ATP8A1: variants seen among roughly 807,000 people sequenced by gnomAD.
ATP8A1 encodes the protein ATPase phospholipid transporting 8A1.
ATP8A1 carries 90 observed loss-of-function variants against 177.7 expected under a neutral mutation model. The ratio of observed to expected loss-of-function variants is 0.51; its 90% CI spans 0.43 to 0.60. The LOEUF (loss-of-function observed/expected upper bound fraction) is 0.60, where lower values mean the gene tolerates loss of function less well. Ranked by LOEUF, ATP8A1 falls within the 20% of genes least tolerant of loss-of-function variation. ATP8A1 has a pLI of 0.00. For synonymous variants in ATP8A1, 493 were observed against 485.9 expected, an observed-to-expected ratio of 1.01 and a Z score of -0.19; for missense variants, 1,072 against 1,392.8, an observed-to-expected ratio of 0.77 and a Z score of 3.67.
At chr4:42,635,297 T>G (rs1293938460) in intron 1 of ATP8A1, among the ~76,000 whole-genome samples, 3 of 152,272 alleles carry the variant, frequency 2.0e-5, no homozygotes, top group African/African-American at 7.2e-5. Context: ...CTAAGTTTTT[T>G]GCAGACTCAA....
intron 4 of ATP8A1, among the ~76,000 whole-genome samples, chr4:42,620,260 T>C (rs183477350): frequency 3.9e-4 from 60 of 152,310 alleles, no homozygotes; most frequent in Non-Finnish European, 7.8e-4. Context: ...CACTTTACAG[T>C]TTGGCATAAA....
At position 42,464,723 on chromosome 4, in the gene ATP8A1, G is replaced by A; in HGVS notation, c.2586C>T (p.Cys862=). 6.2e-7 allele frequency: 1 copy of A among 1,610,864 alleles called. No homozygotes were observed. Among genetic ancestry groups the A allele is most frequent in the East Asian group, 2.2e-5 (1 of 44,842 alleles). Residue 862 remains cysteine (C), a synonymous_variant, in exon 27 of 37, where the codon TGC becomes TGT. Transcript: ENST00000381668. ...TATAGAGCACTATATTCTTGTAGAA[G>A]CAGTATAAGATGCACTTGGAGACTC... is the stretch of plus-strand genomic sequence containing the variant. ...YNRVSKCILY[C]FYKNIVLYII...
chr4:42,571,484 A>T (rs1240626731), intron 14 of ATP8A1, among the ~76,000 whole-genome samples: 1 of 147,710 alleles, frequency 6.8e-6, no homozygotes, highest in East Asian at 1.9e-4. Context: ...TTTTTTTTAC[A>T]AAGATGGCAC....
At chr4:42,462,834 G>A (rs972416705) in intron 27 of ATP8A1, among the ~76,000 whole-genome samples, 5 of 152,202 alleles carry the variant, frequency 3.3e-5, no homozygotes, top group African/African-American at 9.6e-5. Flanking sequence ...CCAAGACCAT[G>A]GGACCCTACC....
At position 42,541,393 on chromosome 4, in the gene ATP8A1, A is replaced by C. The variant is rs371244506; in HGVS notation, c.1722+2524T>G. ...ACTTCAAACGTGGGTGAAGATGTGGAGCAACAAAAGCTCTCATTAATTGCT... is the reference window on the plus strand; with the variant it reads ...ACTTCAAACGTGGGTGAAGATGTGGCGCAACAAAAGCTCTCATTAATTGCT... On this transcript the variant is annotated intron_variant, in intron 20 of 36. Coordinates refer to ENST00000381668, the MANE Select transcript of ATP8A1 (RefSeq NM_006095.2). Among the ~76,000 whole-genome samples, 38 of 152,332 alleles carry C rather than the reference A, an allele frequency of 2.5e-4. 1 individual carries two copies. In the South Asian group the frequency reaches 7.5e-3, roughly 30 times the overall value.
chr4:42,491,493 A>AT (rs1413370120), intron 24 of ATP8A1, among the ~76,000 whole-genome samples: 2 of 152,218 alleles, frequency 1.3e-5, no homozygotes, highest in Non-Finnish European at 2.9e-5. Flanking sequence ...GAAACCCTTG[A>AT]TAAAAACCCT....
intron 25 of ATP8A1, among the ~76,000 whole-genome samples, chr4:42,472,569 G>T (rs1051544324): frequency 2.0e-5 from 3 of 151,868 alleles, no homozygotes; most frequent in African/African-American, 7.3e-5. Context: ...CAACATACCT[G>T]TCTCTACTAA....
At chr4:42,563,293 T>G (rs1001522187) in intron 15 of ATP8A1, among the ~76,000 whole-genome samples, 1 of 152,170 alleles carries the variant, frequency 6.6e-6, no homozygotes, top group African/African-American at 2.4e-5. Flanking sequence ...CCCTAGAGAT[T>G]TGTGGAACTT....
At chr4:42,588,535 A>G (rs1733852368) in intron 7 of ATP8A1, 13 of 469,448 alleles carry the variant, frequency 2.8e-5, no homozygotes, top group Middle Eastern at 4.5e-4. Flanking sequence ...TTCAGCCAGA[A>G]GGACCCAAAA....
At chr4:42,503,346 T>C (rs1379366805) in intron 24 of ATP8A1, 104 bp downstream of exon 24, 2 of 673,694 alleles carry the variant, frequency 3.0e-6, no homozygotes, top group Admixed American at 6.3e-5. Context: ...ATAAGGTACC[T>C]TGAACCACAG....
At chr4:42,587,510 G>A (rs1364879196) in intron 8 of ATP8A1, among the ~76,000 whole-genome samples, 1 of 151,624 alleles carries the variant, frequency 6.6e-6, no homozygotes, top group Non-Finnish European at 1.5e-5. Context: ...GTTTCACCAT[G>A]TTGGTCAGGC....
At chr4:42,546,437 G>A (rs1291128617) in intron 19 of ATP8A1, among the ~76,000 whole-genome samples, 1 of 128,102 alleles carries the variant, frequency 7.8e-6, no homozygotes, top group Non-Finnish European at 1.6e-5. Context: ...GTTGTGGGGT[G>A]GGGGGAGGGG....
chr4:42,590,704 G>T, intron 7 of ATP8A1, 107 bp downstream of exon 7: 2 of 1,007,544 alleles, frequency 2.0e-6, no homozygotes, highest in Non-Finnish European at 1.5e-6. Flanking sequence ...AAAAGTTTGT[G>T]TTTTAAAGGA....
At chr4:42,516,006 A>G (rs556770964) in intron 22 of ATP8A1, among the ~76,000 whole-genome samples, 1 of 152,238 alleles carries the variant, frequency 6.6e-6, no homozygotes, top group Non-Finnish European at 1.5e-5. Context: ...CATGGAAAGC[A>G]TGAACTAGAT....
At chr4:42,647,821 A>G (rs1349392510) in intron 1 of ATP8A1, among the ~76,000 whole-genome samples, 1 of 152,180 alleles carries the variant, frequency 6.6e-6, no homozygotes, top group Non-Finnish European at 1.5e-5. Flanking sequence ...CAGGGCCACT[A>G]CATGAAATAA....
At chr4:42,482,715 T>C (rs1721818446) in intron 25 of ATP8A1, among the ~76,000 whole-genome samples, 1 of 152,208 alleles carries the variant, frequency 6.6e-6, no homozygotes, top group South Asian at 2.1e-4. Flanking sequence ...AAGTGGCTGA[T>C]GCAATCCTGA....
intron 22 of ATP8A1, among the ~76,000 whole-genome samples, chr4:42,519,878 T>C (rs1455489586): frequency 6.6e-6 from 1 of 152,222 alleles, no homozygotes; most frequent in Non-Finnish European, 1.5e-5. Flanking sequence ...CTGTCATCTG[T>C]AAACTATATG....
chr4:42,446,021 A>G (rs528553299), intron 31 of ATP8A1, among the ~76,000 whole-genome samples: 4 of 143,914 alleles, frequency 2.8e-5, no homozygotes, highest in East Asian at 4.3e-4. Context: ...CAGAGGCTGC[A>G]GTGAGCCAAG....
intron 18 of ATP8A1, among the ~76,000 whole-genome samples, chr4:42,550,343 C>T (rs1486823266): frequency 1.3e-5 from 2 of 151,944 alleles, no homozygotes; most frequent in South Asian, 2.1e-4. Context: ...TTTATCCATT[C>T]TTCTATTGAT....
Sources: allele counts gnomAD v4.1 joint callset (sites outside exome capture counted in the v4.1 genomes callset), GRCh38; gene constraint gnomAD v4.1.1; transcripts MANE v1.5; gene names NCBI Gene and HGNC (gene_info 2026-07-23, HGNC 2026-07-21).